DPYD: variants seen among roughly 807,000 people sequenced by gnomAD.
The protein encoded by DPYD is dihydropyrimidine dehydrogenase [NADP(+)].
DPYD carries 109 observed loss-of-function variants against 116.2 expected under a neutral mutation model. The observed-to-expected ratio is 0.94, with a 90% CI of 0.80 to 1.10. The LOEUF (loss-of-function observed/expected upper bound fraction) is 1.10. DPYD is among the 50% of genes least tolerant of loss of function. The probability of loss-of-function intolerance (pLI) is 0.00; values close to 1 mark genes in which losing one functional copy is unlikely to be tolerated. For synonymous variants in DPYD, 440 were observed against 432.0 expected (o/e 1.02, Z -0.23); for missense variants, 1,302 against 1,254.5 (o/e 1.04, Z -0.57).
In DPYD at chr1:97,849,668, A is replaced by G. The variant is rs556931563; in HGVS notation, c.151-21472T>C. Reference sequence around the variant, plus strand: ...AATAAGAACTGTATTATCTTTCATAATTTTCAAAGAACCTTAATAATAATG... The same window carrying G: ...AATAAGAACTGTATTATCTTTCATAGTTTTCAAAGAACCTTAATAATAATG... On this transcript the variant is annotated intron_variant, in intron 2 of 22. Coordinates refer to ENST00000370192, the MANE Select transcript of DPYD (RefSeq NM_000110.4). Among the ~76,000 whole-genome samples the G allele has an allele frequency of 6.6e-4, 100 of 152,262 alleles. 1 individual carries two copies. The highest frequency in any genetic ancestry group is 1.2e-3 in the Non-Finnish European group (79 of 68,022).
intron 4 of DPYD, among the ~76,000 whole-genome samples, chr1:97,733,434 AC>A (rs1341507370): frequency 6.6e-6 from 1 of 151,970 alleles, no homozygotes; most frequent in Non-Finnish European, 1.5e-5. Flanking sequence ...TTGTTTATAT[AC>A]AGATTAAATT....
chr1:97,733,254 C>T (rs931353372), intron 4 of DPYD, among the ~76,000 whole-genome samples: 3 of 151,966 alleles, frequency 2.0e-5, no homozygotes, highest in African/African-American at 7.2e-5. Flanking sequence ...CTCAGCTTTA[C>T]TTTATTTAAT....
At chr1:97,664,519 A>G (rs1426155908) in intron 8 of DPYD, among the ~76,000 whole-genome samples, 1 of 152,004 alleles carries the variant, frequency 6.6e-6, no homozygotes, top group Non-Finnish European at 1.5e-5. Flanking sequence ...ACATGCATAT[A>G]TTGTATATCT....
intron 8 of DPYD, among the ~76,000 whole-genome samples, chr1:97,671,809 T>C (rs1376177149): frequency 2.6e-5 from 4 of 152,010 alleles, no homozygotes; most frequent in African/African-American, 9.7e-5. Flanking sequence ...CAACCAAAAA[T>C]GACAAAAGGA....
At chr1:97,334,538 G>A (rs756183627) in intron 16 of DPYD, among the ~76,000 whole-genome samples, 20 of 152,140 alleles carry the variant, frequency 1.3e-4, no homozygotes, top group Admixed American at 2.6e-4. Flanking sequence ...ACCATAAGTC[G>A]CTTTCAGGCT....
intron 7 of DPYD, among the ~76,000 whole-genome samples, chr1:97,685,234 GA>G (rs1660653357): frequency 6.6e-6 from 1 of 151,808 alleles, no homozygotes; most frequent in African/African-American, 2.4e-5. Context: ...GAGAAATAAA[GA>G]AAAAAACACA....
chr1:97,230,451 T>C (rs1661509174), intron 19 of DPYD, among the ~76,000 whole-genome samples: 1 of 151,716 alleles, frequency 6.6e-6, no homozygotes, highest in Admixed American at 6.6e-5. Context: ...CATGAACACA[T>C]AGAGGGGAAT....
intron 5 of DPYD, among the ~76,000 whole-genome samples, chr1:97,704,276 G>A (rs1037815465): frequency 6.6e-6 from 1 of 151,834 alleles, no homozygotes; most frequent in African/African-American, 2.4e-5. Context: ...GTGAATGGGG[G>A]GTAGTGATTT....
At chr1:97,177,804 A>G (rs1376664711) in intron 20 of DPYD, among the ~76,000 whole-genome samples, 1 of 152,092 alleles carries the variant, frequency 6.6e-6, no homozygotes, top group Admixed American at 6.6e-5. Context: ...ATAATAAAAT[A>G]CCATAAACTT....
intron 20 of DPYD, among the ~76,000 whole-genome samples, chr1:97,185,703 A>G (rs1243181988): frequency 1.3e-5 from 2 of 152,188 alleles, no homozygotes; most frequent in Non-Finnish European, 2.9e-5. Flanking sequence ...TGAAAGTTGC[A>G]ACACATACAA....
intron 8 of DPYD, among the ~76,000 whole-genome samples, chr1:97,668,817 C>G (rs1274379927): frequency 6.6e-6 from 1 of 151,472 alleles, no homozygotes; most frequent in Admixed American, 6.6e-5. Flanking sequence ...AATGATAAGG[C>G]TCAATAGACA....
intron 13 of DPYD, among the ~76,000 whole-genome samples, chr1:97,498,307 T>G (rs968267756): frequency 2.6e-5 from 4 of 151,814 alleles, no homozygotes; most frequent in African/African-American, 7.2e-5. Context: ...GAATGGATTT[T>G]ATACGTAAAT....
intron 8 of DPYD, among the ~76,000 whole-genome samples, chr1:97,615,616 T>C (rs1259497561): frequency 6.6e-6 from 1 of 152,128 alleles, no homozygotes; most frequent in African/African-American, 2.4e-5. Flanking sequence ...GCCCTTATCT[T>C]TTCTATCCTG....
chr1:97,651,797 A>G (rs1658598472), intron 8 of DPYD, among the ~76,000 whole-genome samples: 1 of 152,168 alleles, frequency 6.6e-6, no homozygotes, highest in African/African-American at 2.4e-5. Context: ...TTAGGTACAC[A>G]ATAATAATAA....
At chr1:97,497,176 T>A (rs1250847753) in intron 13 of DPYD, among the ~76,000 whole-genome samples, 2 of 151,960 alleles carry the variant, frequency 1.3e-5, no homozygotes, top group Non-Finnish European at 2.9e-5. Flanking sequence ...TTCTCCTTGC[T>A]ATCTACAGTA....
chr1:97,324,235 T>G (rs1456200729), intron 16 of DPYD, among the ~76,000 whole-genome samples: 1 of 152,014 alleles, frequency 6.6e-6, no homozygotes, highest in African/African-American at 2.4e-5. Flanking sequence ...AAATCTCCTT[T>G]CACTTCTGAC....
chr1:97,869,174 G>C (rs1182796189), intron 2 of DPYD, among the ~76,000 whole-genome samples: 2 of 151,772 alleles, frequency 1.3e-5, no homozygotes, highest in African/African-American at 4.8e-5. Context: ...GAGAGAATCT[G>C]ATTTCCCCAG....
chr1:97,175,688 C>G (rs1304475856), intron 20 of DPYD, among the ~76,000 whole-genome samples: 1 of 152,098 alleles, frequency 6.6e-6, no homozygotes, highest in African/African-American at 2.4e-5. Context: ...ATTCAACTGC[C>G]ACGTTCTATA....
chr1:97,515,006 A>T (rs1648113508), intron 13 of DPYD, among the ~76,000 whole-genome samples: 1 of 151,940 alleles, frequency 6.6e-6, no homozygotes, highest in Non-Finnish European at 1.5e-5. Context: ...TATTAAATAC[A>T]TTGAGAGGTT....
Sources: gnomAD v4.1 joint callset for allele counts (sites outside exome capture counted in the v4.1 genomes callset) on GRCh38, gnomAD v4.1.1 for gene constraint, MANE v1.5 for transcripts, NCBI Gene and HGNC (gene_info 2026-07-23, HGNC 2026-07-21) for gene names.